DYTN: variants seen among roughly 807,000 people sequenced by gnomAD.
The protein encoded by DYTN is dystrotelin.
DYTN carries 75 observed loss-of-function variants against 69.6 expected under a neutral mutation model. The ratio of observed to expected loss-of-function variants is 1.08; its 90% CI spans 0.89 to 1.31. The LOEUF is 1.31. DYTN is among the 50% of genes most tolerant of loss of function. The pLI is 0.00. For synonymous variants in DYTN, 252 were observed against 249.1 expected (o/e 1.01, Z -0.11); for missense variants, 726 against 688.4 (o/e 1.05, Z -0.61).
intron 1 of DYTN, among the ~76,000 whole-genome samples, chr2:206,715,395 C>T (rs1402309219): frequency 2.0e-5 from 3 of 152,088 alleles, no homozygotes; most frequent in Admixed American, 6.5e-5. Context: ...CATCCTTATC[C>T]AGCACAGGGA....
chr2:206,716,372 A>G (rs1005903113), intron 1 of DYTN, among the ~76,000 whole-genome samples: 1 of 152,144 alleles, frequency 6.6e-6, no homozygotes, highest in Non-Finnish European at 1.5e-5. Flanking sequence ...CTCTGAATGT[A>G]TATCCATCCA....
intron 9 of DYTN, among the ~76,000 whole-genome samples, chr2:206,676,743 C>G (rs1699693924): frequency 6.6e-6 from 1 of 152,046 alleles, no homozygotes; most frequent in Non-Finnish European, 1.5e-5. Flanking sequence ...GTATTGTATA[C>G]TTAAAATTTG....
intron 11 of DYTN, among the ~76,000 whole-genome samples, chr2:206,658,705 GTTTTATT>G (rs981794077): frequency 6.6e-5 from 10 of 152,158 alleles, no homozygotes; most frequent in Non-Finnish European, 1.2e-4. Context: ...TGGGATATGG[GTTTTATT>G]TTCCTGTTTG....
intron 10 of DYTN, 139 bp downstream of exon 10, chr2:206,665,731 A>C: frequency 1.0e-6 from 1 of 954,506 alleles, no homozygotes; most frequent in South Asian, 1.9e-5. Flanking sequence ...TGGATGAGGA[A>C]ATGGGAGGTC....
At chr2:206,667,244 G>A (rs995337748) in intron 9 of DYTN, among the ~76,000 whole-genome samples, 4 of 152,030 alleles carry the variant, frequency 2.6e-5, no homozygotes, top group Admixed American at 1.3e-4. Flanking sequence ...CTTGCTTTCC[G>A]GCTTATTCAC....
At chr2:206,665,146 A>G (rs1309925846) in intron 10 of DYTN, among the ~76,000 whole-genome samples, 1 of 152,196 alleles carries the variant, frequency 6.6e-6, no homozygotes, top group East Asian at 1.9e-4. Flanking sequence ...CTTCAACCGA[A>G]ACACATTGCA....
chr2:206,699,869 CTTT>C lies in DYTN; in HGVS notation c.574_576del (p.Lys192del). ...TGGACCCAAGACAGGAATTTTTCTTCTTTGATTGCTGGGCTCAACACCTGAAAA... is the reference window on the plus strand; with the variant it reads ...TGGACCCAAGACAGGAATTTTTCTTCGATTGCTGGGCTCAACACCTGAAAA... On this transcript the variant is annotated inframe_deletion, in exon 7 of 12. Transcript: ENST00000452335. 6.2e-7 allele frequency: 1 copy of C among 1,613,380 alleles called. No individual in the cohort carries two copies. Among genetic ancestry groups the C allele is most frequent in the African/African-American group, 1.3e-5 (1 of 75,018 alleles).
intron 7 of DYTN, among the ~76,000 whole-genome samples, chr2:206,699,188 C>T (rs1186336246): frequency 6.6e-6 from 1 of 152,174 alleles, no homozygotes; most frequent in Non-Finnish European, 1.5e-5. Context: ...TAACTCAATG[C>T]TTTGGGAGGC....
chr2:206,684,812 A>G (rs1373092103), intron 9 of DYTN, among the ~76,000 whole-genome samples: 1 of 151,822 alleles, frequency 6.6e-6, no homozygotes, highest in Non-Finnish European at 1.5e-5. Flanking sequence ...TCTGCTACTC[A>G]TCATCAAATA....
rs565544638 is a variant in DYTN at position 206,663,482 on chromosome 2, C to T, written c.1141-87G>A. 4.8e-5 allele frequency: 66 copies of T among 1,365,908 alleles called. No individual in the cohort carries two copies. The East Asian group carries it at 1.7e-3, about 34-fold the overall frequency. The allele number at this position is 1,365,908 out of a possible 1,614,324, so 84.6% of individuals were successfully genotyped here. A position where few individuals can be genotyped will look rare whatever the true frequency, so the allele number is the denominator to read the frequency against. ...ATTACATTTCAACATTCCAACAGAA[C>T]ATTCTAATGCAAGACTTTTCTTTCT... On this transcript the variant is annotated intron_variant, in intron 10 of 11. Transcript: ENST00000452335.
intron 9 of DYTN, among the ~76,000 whole-genome samples, chr2:206,686,247 G>A (rs982481967): frequency 1.3e-5 from 2 of 152,166 alleles, no homozygotes; most frequent in Non-Finnish European, 2.9e-5. Context: ...CACAGGAAAC[G>A]TTTTCTGTGA....
At chr2:206,699,272 A>C (rs1300012901) in intron 7 of DYTN, among the ~76,000 whole-genome samples, 2 of 152,130 alleles carry the variant, frequency 1.3e-5, no homozygotes, top group Non-Finnish European at 2.9e-5. Context: ...CATCTCTACA[A>C]AAAATAGAAA....
intron 3 of DYTN, among the ~76,000 whole-genome samples, chr2:206,706,225 A>C (rs570543490): frequency 1.3e-4 from 20 of 152,236 alleles, no homozygotes; most frequent in Admixed American, 1.1e-3. Flanking sequence ...CAACAGAGAT[A>C]AGGAAGGACC....
At chr2:206,684,115 C>T (rs1375280328) in intron 9 of DYTN, among the ~76,000 whole-genome samples, 1 of 151,800 alleles carries the variant, frequency 6.6e-6, no homozygotes, top group Non-Finnish European at 1.5e-5. Flanking sequence ...CCTAGAACAA[C>T]ATTCAATAAA....
intron 7 of DYTN, among the ~76,000 whole-genome samples, chr2:206,698,392 T>C (rs1050748111): frequency 6.6e-6 from 1 of 152,166 alleles, no homozygotes; most frequent in African/African-American, 2.4e-5. Flanking sequence ...CAATTTCAGT[T>C]CTGGGTTAGC....
At chr2:206,672,358 A>C (rs1056264869) in intron 9 of DYTN, among the ~76,000 whole-genome samples, 1 of 152,236 alleles carries the variant, frequency 6.6e-6, no homozygotes, top group African/African-American at 2.4e-5. Context: ...TTCCTCCCTC[A>C]GAACAAATGG....
chr2:206,697,233 T>C (rs1004750891), intron 7 of DYTN, among the ~76,000 whole-genome samples: 4 of 152,192 alleles, frequency 2.6e-5, no homozygotes, highest in African/African-American at 7.2e-5. Context: ...ATGGTTATTG[T>C]GTGGGTAATG....
intron 11 of DYTN, among the ~76,000 whole-genome samples, chr2:206,653,120 T>C (rs1199519704): frequency 6.6e-6 from 1 of 152,194 alleles, no homozygotes; most frequent in Non-Finnish European, 1.5e-5. Context: ...CCAGAGGACC[T>C]TGACTAAATA....
chr2:206,667,020 G>A (rs758350015), intron 9 of DYTN, among the ~76,000 whole-genome samples: 4 of 152,090 alleles, frequency 2.6e-5, no homozygotes, highest in Non-Finnish European at 4.4e-5. Context: ...TCTCCAGCCT[G>A]GCTGACAGAG....
Sources: gnomAD v4.1 joint callset for allele counts (sites outside exome capture counted in the v4.1 genomes callset) on GRCh38, gnomAD v4.1.1 for gene constraint, MANE v1.5 for transcripts, NCBI Gene and HGNC (gene_info 2026-07-23, HGNC 2026-07-21) for gene names.